The following FBXO2 variants were observed in gnomAD, a reference collection of about 807,000 sequenced individuals.
FBXO2 encodes the protein F-box only protein 2.
In FBXO2, 32 loss-of-function variants were observed where a neutral mutation model predicts 38.6. That is an observed-to-expected ratio of 0.83 (90% CI 0.62 to 1.11). FBXO2 has a LOEUF of 1.11. Ranked by LOEUF, FBXO2 falls within the 50% of genes most tolerant of loss-of-function variation. The pLI is 0.00. For missense variants in FBXO2, 450 were observed against 418.3 expected (o/e 1.08, Z -0.66); for synonymous variants, 189 against 182.9 (o/e 1.03, Z -0.27).
At chr1:11,649,744 C>T (rs369806795) in intron 4 of FBXO2, 35 bp downstream of exon 4, 18 of 1,605,592 alleles carry the variant, frequency 1.1e-5, no homozygotes, top group Non-Finnish European at 1.5e-5. Flanking sequence ...TTACCCCGCT[C>T]CTCCCAGCCC....
At position 11,648,972 on chromosome 1, in the gene FBXO2, T is replaced by TCAGCC. The variant is rs577091768; in HGVS notation, c.756+110_756+114dup. 127 of 713,130 alleles carry TCAGCC rather than the reference T, an allele frequency of 1.8e-4. No homozygotes were observed. The highest frequency in any genetic ancestry group is 1.1e-3 in the Middle Eastern group (3 of 2,614). The allele number at this position is 713,130 out of a possible 1,614,324, so 44.2% of individuals were successfully genotyped here. A position where few individuals can be genotyped will look rare whatever the true frequency, so the allele number is the denominator to read the frequency against. ...CTCTCTCCACCACCCGGTGACTATCTCAGCCCAGCCCAGCCCAGCCCACCC... is the reference window on the plus strand; with the variant it reads ...CTCTCTCCACCACCCGGTGACTATCTCAGCCCAGCCCAGCCCAGCCCAGCCCACCC... On this transcript the variant is annotated intron_variant, in intron 5 of 5. Coordinates refer to ENST00000354287, the MANE Select transcript of FBXO2 (RefSeq NM_012168.6). The surrounding 1 kb of genome is among the most constrained non-coding windows in gnomAD (Gnocchi z 4.2).
chr1:11,648,811 G>C lies in FBXO2; in HGVS notation c.774C>G (p.Thr258=). The change falls in exon 6 of 6, where the codon ACC becomes ACG. Residue 258 remains threonine (T), a synonymous_variant. Coordinates refer to ENST00000354287, the MANE Select transcript of FBXO2 (RefSeq NM_012168.6). The surrounding 1 kb of genome is among the most constrained non-coding windows in gnomAD (Gnocchi z 4.2). ...CGAAGCGGACGCCCGGCCCGTAGTC[G>C]GTGAAGGTGTGGGAGATCTGGGGGT... is the stretch of plus-strand genomic sequence containing the variant. ...GGWMEISHTF[T]DYGPGVRFVR... 1 of 1,613,706 alleles carries C rather than the reference G, an allele frequency of 6.2e-7. No homozygotes were observed. The highest frequency in any genetic ancestry group is 8.5e-7 in the Non-Finnish European group (1 of 1,180,008).
In FBXO2 at chr1:11,650,725, G is replaced by A; in HGVS notation, c.132C>T (p.Ala44=). The part of the protein sequence containing the change: ...DQQEEEAAAA[A]AYLDELPEPL... ...GCTCGGGCAGCTCGTCCAGGTACGC[G>A]GCGGCGGCCGCCGCCTCCTCCTCCT... Residue 44 remains alanine, a synonymous_variant, in exon 2 of 6, where the codon GCC becomes GCT. Transcript: ENST00000354287. The A allele has an allele frequency of 2.0e-6, 3 of 1,509,654 alleles. No homozygotes were observed. The highest frequency in any genetic ancestry group is 2.4e-5 in the South Asian group (2 of 83,472). The allele number at this position is 1,509,654 out of a possible 1,614,324, so 93.5% of individuals were successfully genotyped here.
Position 11,649,769 on chromosome 1 carries a change from AC to A in FBXO2, c.617+9del. Reference sequence around the variant, plus strand: ...CCTCCCAGCCCCATGCCACCCCAGGACCCTCTCACCAGTCCTTCACCACGAT... The same window carrying A: ...CCTCCCAGCCCCATGCCACCCCAGGACCTCTCACCAGTCCTTCACCACGAT... On this transcript the variant is annotated intron_variant, in intron 4 of 5. Transcript: ENST00000354287. 6.2e-7 allele frequency: 1 copy of A among 1,612,544 alleles called. No homozygotes were observed. Among genetic ancestry groups the A allele is most frequent in the Non-Finnish European group, 8.5e-7 (1 of 1,179,486 alleles).
At position 11,650,805 on chromosome 1, in the gene FBXO2, G is replaced by A. The variant is rs1639508596; in HGVS notation, c.52C>T (p.Pro18Ser). 6.5e-7 allele frequency: 1 copy of A among 1,542,152 alleles called. No individual in the cohort carries two copies. The highest frequency in any genetic ancestry group is 8.7e-7 in the Non-Finnish European group (1 of 1,149,534). The part of the protein sequence containing the change: ...ESVGQPEEAS[P>S]EEQPEEASAE... Reference sequence around the variant, plus strand: ...CTCGCCTCCTCTGGCTGCTCCTCCGGGCTTGCCTCCTCGGGCTGGCCCACG... The same window carrying A: ...CTCGCCTCCTCTGGCTGCTCCTCCGAGCTTGCCTCCTCGGGCTGGCCCACG... The change falls in exon 2 of 6, where the codon CCG becomes TCG. Residue 18 changes from proline to serine, a missense_variant. By Grantham distance (74) the Pro-to-Ser change is moderately conservative (BLOSUM62 -1). Transcript: ENST00000354287.
At chr1:11,651,129 C>T (rs1639514206) in intron 1 of FBXO2, among the ~76,000 whole-genome samples, 1 of 152,204 alleles carries the variant, frequency 6.6e-6, no homozygotes, top group Non-Finnish European at 1.5e-5. Flanking sequence ...TTATTAATGG[C>T]ATCCATCTAT....
Position 11,648,993 on chromosome 1 carries a change from C to T in FBXO2, c.756+94G>A, listed in dbSNP as rs968027075. On this transcript the variant is annotated intron_variant, in intron 5 of 5. Coordinates refer to ENST00000354287, the MANE Select transcript of FBXO2 (RefSeq NM_012168.6). This position sits in a 1 kb window ranked among gnomAD's most constrained non-coding sequence, Gnocchi z 4.2. ...TATCTCAGCCCAGCCCAGCCCAGCC[C>T]ACCCCAGCCCAGGAGCGCTGTGGGC... The T allele has an allele frequency of 6.9e-7, 1 of 1,443,574 alleles. No individual in the cohort carries two copies. The highest frequency in any genetic ancestry group is 9.4e-7 in the Non-Finnish European group (1 of 1,065,462). 89.4% of individuals were successfully genotyped at this position (1,443,574 alleles called of 1,614,324 possible).
chr1:11,649,047 T>A (rs750612191), intron 5 of FBXO2, 40 bp downstream of exon 5: 1 of 1,547,178 alleles, frequency 6.5e-7, no homozygotes, highest in Non-Finnish European at 8.8e-7. Flanking sequence ...GCCCCTCATG[T>A]CCGTGCCCCA....
chr1:11,654,251 T>A, intron 1 of FBXO2, 68 bp downstream of exon 1: 1 of 1,467,656 alleles, frequency 6.8e-7, no homozygotes, highest in South Asian at 1.3e-5. Flanking sequence ...GACGCCCCTC[T>A]GTGCAGCGCT....
At position 11,649,853 on chromosome 1, in the gene FBXO2, G is replaced by C. The variant is rs2100585452; in HGVS notation, c.543C>G (p.Val181=). ...AGTAGCCCTCAGCCTGCAGGTCAAT[G>C]ACCTGTGCTTTGCGACACCACCTGG... The part of the protein sequence containing the change: ...SSFEWCRKAQ[V]IDLQAEGYWE... Residue 181 remains valine (V), a synonymous_variant, in exon 4 of 6, where the codon GTC becomes GTG. Coordinates refer to ENST00000354287, the MANE Select transcript of FBXO2 (RefSeq NM_012168.6). 6.2e-7 allele frequency: 1 copy of C among 1,614,070 alleles called. No individual in the cohort carries two copies. Among genetic ancestry groups the C allele is most frequent in the Non-Finnish European group, 8.5e-7 (1 of 1,180,028 alleles).
chr1:11,654,237 C>G, intron 1 of FBXO2, 82 bp downstream of exon 1: 1 of 1,433,882 alleles, frequency 7.0e-7, no homozygotes, highest in Non-Finnish European at 9.2e-7. Flanking sequence ...TCCCCTCGCT[C>G]TCTGACGCCC....
chr1:11,648,791 C>A lies in FBXO2; in HGVS notation c.794G>T (p.Arg265Leu), dbSNP rs372591058. Residue 265 changes from arginine (R) to leucine (L), a missense_variant, in exon 6 of 6, where the codon CGC (arginine) becomes CTC (leucine). Physicochemically the swap from Arg to Leu is moderately radical, Grantham distance 102. Transcript: ENST00000354287. This position sits in a 1 kb window ranked among gnomAD's most constrained non-coding sequence, Gnocchi z 4.2. Reference protein sequence around the residue: ...HTFTDYGPGVRFVRFEHGGQD... With the variant: ...HTFTDYGPGVLFVRFEHGGQD... Reference sequence around the variant, plus strand: ...CCCCCCGTGCTCGAAGCGGACGAAGCGGACGCCCGGCCCGTAGTCGGTGAA... The same window carrying A: ...CCCCCCGTGCTCGAAGCGGACGAAGAGGACGCCCGGCCCGTAGTCGGTGAA... 36 of 1,613,590 alleles carry A rather than the reference C, an allele frequency of 2.2e-5. No homozygotes were observed. Among genetic ancestry groups the A allele is most frequent in the Non-Finnish European group, 3.1e-5 (36 of 1,180,008 alleles).
intron 2 of FBXO2, 36 bp downstream of exon 2, chr1:11,650,430 A>C: frequency 1.3e-6 from 2 of 1,595,084 alleles, no homozygotes. Flanking sequence ...ATTTCGCAGC[A>C]GGGGAAGCTG....
chr1:11,650,018 CCT>C lies in FBXO2; in HGVS notation c.446_447del (p.Glu149GlyfsTer14). 6.2e-7 allele frequency: 1 copy of C among 1,614,118 alleles called. No individual in the cohort carries two copies. Among genetic ancestry groups the C allele is most frequent in the South Asian group, 1.1e-5 (1 of 91,088 alleles). Reference sequence around the variant, plus strand: ...TCCACCCCACTGTCTCCAGGCAGCTCCTCCACCCTCCAGCCGTCCCCACCATG... The same window carrying C: ...TCCACCCCACTGTCTCCAGGCAGCTCCCACCCTCCAGCCGTCCCCACCATG... ...VEHGGDGWRV[E>X]ELPGDSGVEF... is the part of the protein sequence containing the mutation. On this transcript the variant is annotated frameshift_variant, in exon 3 of 6. Coordinates refer to ENST00000354287, the MANE Select transcript of FBXO2 (RefSeq NM_012168.6). LOFTEE classifies it high-confidence loss of function.
intron 4 of FBXO2, chr1:11,649,471 GGGCCAAAGCCAGTCCACAGAGT>G (rs2100585123): frequency 1.7e-6 from 1 of 592,696 alleles, no homozygotes; most frequent in Admixed American, 3.0e-5. Flanking sequence ...CCCCAGCTTG[GGGCCAAAGCCAGTCCACAGAGT>G]GGCCTTTGGT....
At chr1:11,653,223 C>T (rs938135352) in intron 1 of FBXO2, among the ~76,000 whole-genome samples, 2 of 152,194 alleles carry the variant, frequency 1.3e-5, no homozygotes, top group Admixed American at 1.3e-4. Flanking sequence ...CCGAAAGGTG[C>T]ACCTCACCCA....
intron 2 of FBXO2, 134 bp downstream of exon 2, chr1:11,650,332 A>G (rs778080345): frequency 5.5e-6 from 8 of 1,442,480 alleles, no homozygotes; most frequent in African/African-American, 1.4e-5. Flanking sequence ...CTACAGTAAT[A>G]GACAGCCTTG....
In FBXO2 at chr1:11,648,568, G is replaced by T. The variant is rs1178609895; in HGVS notation, c.*126C>A. 6.8e-6 allele frequency: 9 copies of T among 1,318,060 alleles called. No homozygotes were observed. Among genetic ancestry groups the T allele is most frequent in the Admixed American group, 4.9e-5 (2 of 40,404 alleles). The allele number at this position is 1,318,060 out of a possible 1,614,324, so 81.6% of individuals were successfully genotyped here. On this transcript the variant is annotated 3_prime_UTR_variant, in exon 6 of 6. Coordinates refer to ENST00000354287, the MANE Select transcript of FBXO2 (RefSeq NM_012168.6). The surrounding 1 kb of genome is among the most constrained non-coding windows in gnomAD (Gnocchi z 4.2). ...CTCTCCCTGCTCAGGGGCTGGGATCGGAGCAAGGGATGGGAGGAGGATGTG... is the reference window on the plus strand; with the variant it reads ...CTCTCCCTGCTCAGGGGCTGGGATCTGAGCAAGGGATGGGAGGAGGATGTG...
rs766191218 is a variant in FBXO2 at position 11,650,812 on chromosome 1, C to T, written c.45G>A (p.Glu15=). The T allele has an allele frequency of 1.9e-6, 3 of 1,544,884 alleles. No individual in the cohort carries two copies. Among genetic ancestry groups the T allele is most frequent in the Non-Finnish European group, 2.6e-6 (3 of 1,150,786 alleles). ...GDPESVGQPE[E]ASPEEQPEEA... ...CCTCTGGCTGCTCCTCCGGGCTTGC[C>T]TCCTCGGGCTGGCCCACGCTCTCTG... Residue 15 remains glutamate, a synonymous_variant, in exon 2 of 6, where the codon GAG becomes GAA. Coordinates refer to ENST00000354287, the MANE Select transcript of FBXO2 (RefSeq NM_012168.6).
Sources: gnomAD v4.1 joint callset for allele counts (sites outside exome capture counted in the v4.1 genomes callset) on GRCh38, gnomAD v4.1.1 for gene constraint, Gnocchi (gnomAD v3.1) non-coding constraint, MANE v1.5 for transcripts, NCBI Gene and HGNC (gene_info 2026-07-23, HGNC 2026-07-21) for gene names.